The following IMMP2L variants were observed in gnomAD, a reference collection of about 807,000 sequenced individuals.
IMMP2L encodes mitochondrial inner membrane protease subunit 2.
A neutral mutation model predicts 19.3 loss-of-function variants in IMMP2L; 18 were observed. The ratio of observed to expected loss-of-function variants is 0.93; its 90% confidence interval spans 0.64 to 1.38. The LOEUF (loss-of-function observed/expected upper bound fraction) is 1.38. IMMP2L is among the 40% of genes most tolerant of loss of function. IMMP2L has a pLI of 0.00. For missense variants in IMMP2L, 233 were observed against 218.2 expected, an observed-to-expected ratio of 1.07 and a Z score of -0.43; for synonymous variants, 76 against 73.0, an observed-to-expected ratio of 1.04 and a Z score of -0.21.
chr7:111,439,513 T>C (rs1837508156), intron 3 of IMMP2L, among the ~76,000 whole-genome samples: 1 of 151,954 alleles, frequency 6.6e-6, no homozygotes, highest in Non-Finnish European at 1.5e-5. Flanking sequence ...CACTGAACTG[T>C]AATCTATTAG....
intron 3 of IMMP2L, among the ~76,000 whole-genome samples, chr7:110,965,082 G>A (rs1011258434): frequency 6.6e-5 from 10 of 152,002 alleles, no homozygotes; most frequent in Non-Finnish European, 1.3e-4. Context: ...GCTAGACATT[G>A]GGGTAATTTG....
At chr7:111,230,241 C>T (rs543089158) in intron 3 of IMMP2L, among the ~76,000 whole-genome samples, 1 of 152,018 alleles carries the variant, frequency 6.6e-6, no homozygotes, top group African/African-American at 2.4e-5. Context: ...GTCATTCTTA[C>T]AGCCAATTTA....
intron 3 of IMMP2L, among the ~76,000 whole-genome samples, chr7:111,264,275 CA>C (rs1817614028): frequency 6.6e-6 from 1 of 152,094 alleles, no homozygotes; most frequent in Non-Finnish European, 1.5e-5. Flanking sequence ...GGCCCATTTA[CA>C]AACAAAATTT....
At chr7:110,947,828 T>C (rs542209799) in intron 4 of IMMP2L, among the ~76,000 whole-genome samples, 1 of 152,320 alleles carries the variant, frequency 6.6e-6, no homozygotes, top group South Asian at 2.1e-4. Flanking sequence ...CCTGGCTTCA[T>C]ATTAAAATCA....
At chr7:110,835,826 T>C (rs1316316160) in intron 5 of IMMP2L, among the ~76,000 whole-genome samples, 1 of 152,184 alleles carries the variant, frequency 6.6e-6, no homozygotes, top group Non-Finnish European at 1.5e-5. Context: ...CTTGTTCTTC[T>C]TATTCAACAA....
At chr7:110,685,773 G>A (rs1378541288) in intron 5 of IMMP2L, among the ~76,000 whole-genome samples, 2 of 151,870 alleles carry the variant, frequency 1.3e-5, no homozygotes, top group South Asian at 2.1e-4. Context: ...ACTAAGATGA[G>A]CTCAATAAAA....
chr7:111,407,559 C>T (rs1050680068), intron 3 of IMMP2L, among the ~76,000 whole-genome samples: 4 of 152,036 alleles, frequency 2.6e-5, no homozygotes, highest in Admixed American at 2.0e-4. Flanking sequence ...CACAAAAGAC[C>T]ATTTATTGTG....
At chr7:111,322,695 C>T (rs1485278237) in intron 3 of IMMP2L, among the ~76,000 whole-genome samples, 1 of 151,266 alleles carries the variant, frequency 6.6e-6, no homozygotes, top group African/African-American at 2.4e-5. Flanking sequence ...GCAAAATCTC[C>T]CCAAGAAACC....
At chr7:110,848,809 G>T (rs1164772987) in intron 5 of IMMP2L, among the ~76,000 whole-genome samples, 1 of 152,068 alleles carries the variant, frequency 6.6e-6, no homozygotes. Flanking sequence ...CCAATCTGAA[G>T]AGGCTACATA....
At chr7:111,285,133 A>G (rs1465358018) in intron 3 of IMMP2L, among the ~76,000 whole-genome samples, 1 of 152,090 alleles carries the variant, frequency 6.6e-6, no homozygotes, top group African/African-American at 2.4e-5. Flanking sequence ...GAGAGGATAT[A>G]GCTTACCCTA....
At chr7:111,410,585 C>A (rs989976219) in intron 3 of IMMP2L, among the ~76,000 whole-genome samples, 9 of 148,752 alleles carry the variant, frequency 6.1e-5, no homozygotes, top group African/African-American at 2.2e-4. Context: ...GGAGAAAAAT[C>A]AGTCAATAAA....
chr7:111,063,129 G>C (rs1794173977), intron 3 of IMMP2L, among the ~76,000 whole-genome samples: 1 of 152,188 alleles, frequency 6.6e-6, no homozygotes, highest in Non-Finnish European at 1.5e-5. Context: ...CTTCTGCCTG[G>C]ATATCCAGGC....
chr7:111,515,521 T>C (rs1040994041), intron 2 of IMMP2L, among the ~76,000 whole-genome samples: 1 of 152,138 alleles, frequency 6.6e-6, no homozygotes, highest in African/African-American at 2.4e-5. Context: ...ATGTGACAGC[T>C]ACTGACTTTA....
Position 111,353,271 on chromosome 7 carries a change from C to A in IMMP2L, c.239+133967G>T, listed in dbSNP as rs183844485. ...ACTAAAGGGAGCTTCTATCATTATCCCTGGTCTCAGGCTGTAGAGGAAAGA... is the reference window on the plus strand; with the variant it reads ...ACTAAAGGGAGCTTCTATCATTATCACTGGTCTCAGGCTGTAGAGGAAAGA... On this transcript the variant is annotated intron_variant, in intron 3 of 5. Transcript: ENST00000405709. Among the ~76,000 whole-genome samples, 8 of 152,240 alleles carry A rather than the reference C, an allele frequency of 5.3e-5. No individual in the cohort carries two copies. In the East Asian group the frequency reaches 9.6e-4, roughly 18 times the overall value.
chr7:110,861,117 G>C (rs1389839518), intron 5 of IMMP2L, among the ~76,000 whole-genome samples: 2 of 148,268 alleles, frequency 1.3e-5, no homozygotes, highest in Admixed American at 6.7e-5. Flanking sequence ...GAGAGAGAGA[G>C]AGAGAGAGAG....
intron 5 of IMMP2L, among the ~76,000 whole-genome samples, chr7:110,749,720 G>A (rs1797605329): frequency 6.6e-6 from 1 of 152,206 alleles, no homozygotes; most frequent in South Asian, 2.1e-4. Flanking sequence ...CACAGGGATG[G>A]GAACATCACA....
intron 3 of IMMP2L, among the ~76,000 whole-genome samples, chr7:111,117,984 T>G (rs927647477): frequency 6.6e-6 from 1 of 152,118 alleles, no homozygotes; most frequent in African/African-American, 2.4e-5. Context: ...TTAAATCTTC[T>G]TACTCACATG....
At chr7:110,889,165 T>A (rs1810529212) in intron 4 of IMMP2L, among the ~76,000 whole-genome samples, 1 of 152,184 alleles carries the variant, frequency 6.6e-6, no homozygotes, top group Admixed American at 6.5e-5. Flanking sequence ...GGGACTGATT[T>A]AATGGAAGAC....
At chr7:111,166,451 GAAGC>G (rs1805829705) in intron 3 of IMMP2L, among the ~76,000 whole-genome samples, 2 of 151,958 alleles carry the variant, frequency 1.3e-5, no homozygotes, top group African/African-American at 2.4e-5. Context: ...CATAAAAAGA[GAAGC>G]AAATATACTT....
Sources: allele counts gnomAD v4.1 joint callset (sites outside exome capture counted in the v4.1 genomes callset), GRCh38; gene constraint gnomAD v4.1.1; transcripts MANE v1.5; gene names NCBI Gene and HGNC (gene_info 2026-07-23, HGNC 2026-07-21).